Variants in PRCP observed in about 807,000 individuals in gnomAD.
PRCP encodes prolylcarboxypeptidase.
PRCP carries 46 observed loss-of-function variants against 54.2 expected under a neutral mutation model. That is an observed-to-expected ratio of 0.85 (90% confidence interval 0.67 to 1.09). The LOEUF (loss-of-function observed/expected upper bound fraction) is 1.09, where lower values mean the gene tolerates loss of function less well. Among genes scored for constraint, PRCP ranks in the 50% least tolerant of loss-of-function variants. The pLI is 0.00. For missense variants in PRCP, 613 were observed against 596.8 expected (o/e 1.03, Z -0.28); for synonymous variants, 240 against 212.2 (o/e 1.13, Z -1.14).
At chr11:82,831,568 T>G (rs952586475) in intron 8 of PRCP, 3 of 152,168 alleles carry the variant, frequency 2.0e-5, no homozygotes, top group African/African-American at 7.2e-5. Context: ...CTACCTGACT[T>G]CAAAGCCTTA....
At chr11:82,892,073 G>A (rs760414570) in intron 1 of PRCP, among the ~76,000 whole-genome samples, 5 of 152,150 alleles carry the variant, frequency 3.3e-5, no homozygotes. Flanking sequence ...TACCTCACAG[G>A]ATTGTTGTAA....
chr11:82,897,968 A>G (rs7130797), intron 1 of PRCP, among the ~76,000 whole-genome samples: 37,189 of 152,100 alleles, frequency 0.24, 5,729 homozygotes, highest in African/African-American at 0.44. Context: ...TAAGCCTTAC[A>G]GTTTTAATAA....
chr11:82,859,919 C>T lies in PRCP; in HGVS notation c.309+58G>A, dbSNP rs565024805. The T allele has an allele frequency of 5.5e-6, 8 of 1,458,990 alleles. No individual in the cohort carries two copies. In the Admixed American group the frequency reaches 1.4e-4, roughly 25 times the overall value. 90.4% of individuals were successfully genotyped at this position (1,458,990 alleles called of 1,614,324 possible). On this transcript the variant is annotated intron_variant, in intron 2 of 8. Transcript: ENST00000313010. The stretch of plus-strand genomic sequence containing the variant: ...TCATACATATTGCAAAACATTTCTT[C>T]CAAGTTATCATAATAAAAGTCAAAT...
At chr11:82,870,814 A>T (rs1460469732) in intron 1 of PRCP, among the ~76,000 whole-genome samples, 1 of 152,166 alleles carries the variant, frequency 6.6e-6, no homozygotes, top group African/African-American at 2.4e-5. Flanking sequence ...CTAGGATGAG[A>T]ATGTCATAAA....
At chr11:82,896,615 G>A (rs1050726516) in intron 1 of PRCP, among the ~76,000 whole-genome samples, 12 of 139,376 alleles carry the variant, frequency 8.6e-5, no homozygotes, top group African/African-American at 1.9e-4. Context: ...GGAGGCAGAT[G>A]TTGCAGTGAG....
chr11:82,831,770 T>C (rs1196892974), intron 8 of PRCP, among the ~76,000 whole-genome samples: 1 of 152,150 alleles, frequency 6.6e-6, no homozygotes, highest in African/African-American at 2.4e-5. Flanking sequence ...GTGCAGAATG[T>C]GCAAGTTTGT....
intron 1 of PRCP, among the ~76,000 whole-genome samples, chr11:82,883,613 A>G (rs370859896): frequency 1.8e-4 from 28 of 152,316 alleles, no homozygotes; most frequent in African/African-American, 5.8e-4. Flanking sequence ...ATATCCCGGA[A>G]GGCAGGGGTC....
At chr11:82,838,283 A>G in intron 8 of PRCP, 104 bp downstream of exon 8, 1 of 1,100,828 alleles carries the variant, frequency 9.1e-7, no homozygotes, top group Non-Finnish European at 1.3e-6. Context: ...GCACTGTTGT[A>G]TTCTATGTTG....
chr11:82,891,221 A>G (rs1044163755), intron 1 of PRCP, among the ~76,000 whole-genome samples: 5 of 152,146 alleles, frequency 3.3e-5, no homozygotes, highest in African/African-American at 1.2e-4. Flanking sequence ...CCTTGGAGTC[A>G]TCTTCAATTC....
rs12294619 is a variant in PRCP, at chr11:82,824,577, A to G, written c.*329T>C. ...ACACTTCAACCTCAAAACCAAAGAG[A>G]AATCTCTGCTTGCAGAGATACAAAG... On this transcript the variant is annotated 3_prime_UTR_variant, in exon 9 of 9. Coordinates refer to ENST00000313010, the MANE Select transcript of PRCP (RefSeq NM_005040.4). 0.014 allele frequency: 3,780 copies of G among 278,046 alleles called. 138 individuals carry two copies. The highest frequency in any genetic ancestry group is 0.077 in the African/African-American group (3,480 of 45,044). 17.2% of individuals were successfully genotyped at this position (278,046 alleles called of 1,614,324 possible). A position where few individuals can be genotyped will look rare whatever the true frequency, so the allele number is the denominator to read the frequency against.
intron 1 of PRCP, among the ~76,000 whole-genome samples, chr11:82,863,606 G>A (rs1210893311): frequency 3.9e-5 from 6 of 152,136 alleles, no homozygotes; most frequent in African/African-American, 7.2e-5. Flanking sequence ...AGATATTGCC[G>A]TAGCCTTTAA....
chr11:82,899,985 T>C (rs2121295434), intron 1 of PRCP: 1 of 494,342 alleles, frequency 2.0e-6, no homozygotes. Flanking sequence ...GTGACTGTCG[T>C]GTCCAATTAC....
chr11:82,894,058 A>G (rs1860062546), intron 1 of PRCP, among the ~76,000 whole-genome samples: 1 of 152,174 alleles, frequency 6.6e-6, no homozygotes, highest in Admixed American at 6.5e-5. Context: ...AATTCATAAT[A>G]TCTTTATTAA....
intron 8 of PRCP, 144 bp downstream of exon 8, chr11:82,838,243 C>T: frequency 2.8e-6 from 2 of 712,534 alleles, no homozygotes; most frequent in Non-Finnish European, 4.2e-6. Context: ...AGCATCCTAT[C>T]TTTCAAGGCA....
At chr11:82,855,862 G>T (rs1859070686) in intron 2 of PRCP, among the ~76,000 whole-genome samples, 1 of 152,134 alleles carries the variant, frequency 6.6e-6, no homozygotes, top group African/African-American at 2.4e-5. Context: ...AACAGATGTT[G>T]GTGAGGTTGT....
intron 5 of PRCP, 38 bp from the exon 6 acceptor site, chr11:82,849,256 C>T: frequency 1.2e-6 from 2 of 1,605,030 alleles, no homozygotes; most frequent in Non-Finnish European, 1.7e-6. Flanking sequence ...CTAAAAAGTA[C>T]TGGTCAACAG....
At position 82,837,926 on chromosome 11, in the gene PRCP, A is replaced by G. The variant is rs562271424; in HGVS notation, c.1274+461T>C. ...CACAGTGACCTTCAGTTTCCTTCAC[A>G]GTAAAAAAGGGGCTATAAAAACTAC... On this transcript the variant is annotated intron_variant, in intron 8 of 8. Transcript: ENST00000313010. 2.0e-5 allele frequency among the ~76,000 whole-genome samples: 3 copies of G among 152,338 alleles called. No individual in the cohort carries two copies. In the South Asian group the frequency reaches 6.2e-4, roughly 32 times the overall value.
chr11:82,839,648 G>C, intron 6 of PRCP: 2 of 522,448 alleles, frequency 3.8e-6, no homozygotes, highest in Non-Finnish European at 6.6e-6. Context: ...CATTTGCATG[G>C]TATGCAAAGT....
At chr11:82,868,228 C>A (rs1003829419) in intron 1 of PRCP, among the ~76,000 whole-genome samples, 2 of 151,996 alleles carry the variant, frequency 1.3e-5, no homozygotes, top group African/African-American at 4.8e-5. Flanking sequence ...CATTTAAAAT[C>A]TCATTGAAGA....
Sources: gnomAD v4.1 joint callset for allele counts (sites outside exome capture counted in the v4.1 genomes callset) on GRCh38, gnomAD v4.1.1 for gene constraint, MANE v1.5 for transcripts, NCBI Gene and HGNC (gene_info 2026-07-23, HGNC 2026-07-21) for gene names.